PFKFB1: variants seen among roughly 807,000 people sequenced by gnomAD.
The protein encoded by PFKFB1 is 6-phosphofructo-2-kinase/fructose-2,6-bisphosphatase 1.
In PFKFB1, 34 loss-of-function variants were observed where a neutral mutation model predicts 46.4. The ratio of observed to expected loss-of-function variants is 0.73; its 90% CI spans 0.56 to 0.98. The LOEUF is 0.98. Ranked by LOEUF, PFKFB1 falls within the 50% of genes least tolerant of loss-of-function variation. PFKFB1 has a pLI of 0.00. For missense variants in PFKFB1, 393 were observed against 376.3 expected (o/e 1.04, Z -0.37); for synonymous variants, 119 against 133.8 (o/e 0.89, Z 0.76).
chrX:54,994,581 C>G (rs1005945237), upstream of PFKFB1: 6 of 752,790 alleles, frequency 8.0e-6, no homozygotes, highest in Non-Finnish European at 9.4e-6. Context: ...GACAAAAACA[C>G]AAACACAAAG....
At chrX:54,998,505 G>C, upstream of PFKFB1, 1 of 942,012 alleles carries the variant, frequency 1.1e-6, no homozygotes, top group Non-Finnish European at 1.5e-6. Flanking sequence ...TGGCATCAAA[G>C]AGGAAGCCTG....
chrX:54,950,955 A>G (rs902525879), intron 8 of PFKFB1, among the ~76,000 whole-genome samples: 1 of 112,914 alleles, frequency 8.9e-6, no homozygotes, highest in African/African-American at 3.2e-5. Context: ...TTCTTCATCC[A>G]TAAACTTGTG....
At chrX:54,993,861 C>T (rs986408349) in intron 1 of PFKFB1, 50 bp downstream of exon 1, 3 of 1,164,316 alleles carry the variant, frequency 2.6e-6, no homozygotes, top group African/African-American at 3.6e-5. Context: ...CTCTTCTACA[C>T]CCACTCTACC....
chrX:54,976,783 T>C (rs1408568923), intron 1 of PFKFB1, among the ~76,000 whole-genome samples: 2 of 111,434 alleles, frequency 1.8e-5, no homozygotes, highest in Non-Finnish European at 3.8e-5. Context: ...TGTGGTACAA[T>C]CATAAACTAG....
intron 3 of PFKFB1, among the ~76,000 whole-genome samples, chrX:54,960,113 G>A (rs776946931): frequency 1.8e-5 from 2 of 112,593 alleles, no homozygotes; most frequent in South Asian, 7.3e-4. Flanking sequence ...CACGGTTTAC[G>A]GGCAGGTATA....
In PFKFB1 at chrX:54,947,135, G is replaced by A. The variant is rs371758470; in HGVS notation, c.994-1592C>T. On this transcript the variant is annotated intron_variant, in intron 9 of 13. Transcript: ENST00000375006. ...CTATCCCTGTCTCTCTGCCTGGAAT[G>A]TCATTCTTGATCCTTTCTACTTGGT... Among the ~76,000 whole-genome samples the A allele has an allele frequency of 9.9e-4, 110 of 111,558 alleles. 2 individuals are homozygous for A. The South Asian group carries it at 0.041, about 42-fold the overall frequency.
chrX:54,965,584 G>A (rs905309854), intron 1 of PFKFB1, among the ~76,000 whole-genome samples: 1 of 111,671 alleles, frequency 9.0e-6, no homozygotes, highest in African/African-American at 3.2e-5. Context: ...AGAGGGTTAT[G>A]ATATAGGTCA....
chrX:54,946,705 T>C (rs748337944), intron 9 of PFKFB1, among the ~76,000 whole-genome samples: 2 of 112,224 alleles, frequency 1.8e-5, no homozygotes, highest in Non-Finnish European at 3.8e-5. Flanking sequence ...GAAATGGTCA[T>C]TGACTCCTTA....
At chrX:54,973,251 C>G (rs755450523) in intron 1 of PFKFB1, among the ~76,000 whole-genome samples, 1 of 111,128 alleles carries the variant, frequency 9.0e-6, no homozygotes, top group African/African-American at 3.3e-5. Flanking sequence ...ATTAGTCTTG[C>G]TAGCGGTCTA....
At chrX:54,963,072 A>G (rs764893742) in intron 2 of PFKFB1, among the ~76,000 whole-genome samples, 185 bp downstream of exon 2, 12 of 112,343 alleles carry the variant, frequency 1.1e-4, no homozygotes, top group African/African-American at 3.6e-4. Flanking sequence ...TGTTGGGCAC[A>G]AAGTATGTGC....
chrX:54,971,202 G>A (rs1205360896), intron 1 of PFKFB1, among the ~76,000 whole-genome samples: 16 of 60,232 alleles, frequency 2.7e-4, no homozygotes, highest in Non-Finnish European at 3.4e-4. Context: ...TTTTCTTGTC[G>A]ATTTGTTTGA....
At chrX:54,994,709 T>C (rs1935331627), upstream of PFKFB1, 1 of 754,838 alleles carries the variant, frequency 1.3e-6, no homozygotes, top group Non-Finnish European at 1.6e-6. Flanking sequence ...TTGTCTTCTC[T>C]GGATTCTGCT....
intron 1 of PFKFB1, among the ~76,000 whole-genome samples, chrX:54,972,160 A>G (rs1382794708): frequency 9.0e-6 from 1 of 111,387 alleles, no homozygotes; most frequent in Admixed American, 9.6e-5. Context: ...GGTGTATAAG[A>G]ATGCTGGTGA....
intron 12 of PFKFB1, among the ~76,000 whole-genome samples, chrX:54,934,528 G>A (rs1300020696): frequency 1.8e-5 from 2 of 111,528 alleles, no homozygotes; most frequent in African/African-American, 6.5e-5. Flanking sequence ...TGCCCTGTTC[G>A]CACCCCAGAA....
intron 2 of PFKFB1, 142 bp downstream of exon 2, chrX:54,963,115 A>G: frequency 1.8e-6 from 1 of 540,693 alleles, no homozygotes; most frequent in Non-Finnish European, 3.1e-6. Flanking sequence ...AGAATGTAGT[A>G]ATAGTGGTAG....
intron 1 of PFKFB1, among the ~76,000 whole-genome samples, chrX:54,967,546 G>A (rs1934513109): frequency 1.2e-5 from 1 of 80,048 alleles, no homozygotes; most frequent in Non-Finnish European, 2.4e-5. Flanking sequence ...CTACAAAATG[G>A]GAGAAAATTT....
At position 54,960,919 on chromosome X, in the gene PFKFB1, T is replaced by C. The variant is rs1278405483; in HGVS notation, c.224-2A>G. ...GTCGATACTGGCCTAAATTAAACAC[T>C]GAAAGCAGGGAGTGCCAGTGAAGAG... On this transcript the variant is annotated splice_acceptor_variant, in intron 2 of 13. Coordinates refer to ENST00000375006, the MANE Select transcript of PFKFB1 (RefSeq NM_002625.4). LOFTEE classifies it high-confidence loss of function. 5 of 1,156,608 alleles carry C rather than the reference T, an allele frequency of 4.3e-6. No homozygotes were observed. Among genetic ancestry groups the C allele is most frequent in the Non-Finnish European group, 5.9e-6 (5 of 850,151 alleles).
rs1557236251 is a variant in PFKFB1 at position 54,949,230 on chromosome X, T to C, written c.847-9A>G. On this transcript the variant is annotated splice_polypyrimidine_tract_variant and intron_variant, in intron 8 of 13. Coordinates refer to ENST00000375006, the MANE Select transcript of PFKFB1 (RefSeq NM_002625.4). ...GCCAGGGCATAGGCATACTAGGATG[T>C]GGGGATGCAGAGGAGGAGAGAAGGG... 8 of 1,183,576 alleles carry C rather than the reference T, an allele frequency of 6.8e-6. No homozygotes were observed. Among genetic ancestry groups the C allele is most frequent in the Non-Finnish European group, 9.1e-6 (8 of 878,008 alleles).
chrX:54,998,521 G>A (rs1747567990), upstream of PFKFB1: 2 of 776,716 alleles, frequency 2.6e-6, no homozygotes, highest in African/African-American at 4.1e-5. Context: ...GCCTGGAGGT[G>A]TTCGTTGGTT....
Sources: gnomAD v4.1 joint callset for allele counts (sites outside exome capture counted in the v4.1 genomes callset) on GRCh38, gnomAD v4.1.1 for gene constraint, MANE v1.5 for transcripts, NCBI Gene and HGNC (gene_info 2026-07-23, HGNC 2026-07-21) for gene names.